The following THSD4 variants were observed in gnomAD, a reference collection of about 807,000 sequenced individuals.
The protein encoded by THSD4 is thrombospondin type 1 domain containing 4.
THSD4 carries 69 observed loss-of-function variants against 119.0 expected under a neutral mutation model. That is an observed-to-expected ratio of 0.58 (90% CI 0.48 to 0.71). The LOEUF (loss-of-function observed/expected upper bound fraction) is 0.71, where lower values mean the gene tolerates loss of function less well. THSD4 is among the 30% of genes least tolerant of loss of function. The pLI is 0.00. For synonymous variants in THSD4, 524 were observed against 540.4 expected (o/e 0.97, Z 0.42); for missense variants, 1,393 against 1,391.1 (o/e 1.00, Z -0.02).
chr15:71,258,474 C>T (rs910465914), intron 6 of THSD4, among the ~76,000 whole-genome samples: 2 of 152,164 alleles, frequency 1.3e-5, no homozygotes, highest in African/African-American at 4.8e-5. Context: ...CCACCGCACC[C>T]AGCCTGTAAA....
intron 6 of THSD4, among the ~76,000 whole-genome samples, chr15:71,403,179 T>C (rs2046560830): frequency 6.6e-6 from 1 of 152,140 alleles, no homozygotes; most frequent in Non-Finnish European, 1.5e-5. Context: ...ATATTCTATC[T>C]CCTGGATCCC....
chr15:71,299,979 AT>A (rs2044925715), intron 6 of THSD4, among the ~76,000 whole-genome samples: 39 of 28,124 alleles, frequency 1.4e-3, no homozygotes, highest in South Asian at 2.3e-3. Context: ...AAAAAAAAAT[AT>A]ATATATATAT....
intron 8 of THSD4, among the ~76,000 whole-genome samples, chr15:71,725,441 A>G (rs17737569): frequency 0.16 from 23,938 of 152,236 alleles, 2,207 homozygotes; most frequent in Middle Eastern, 0.22. Context: ...TGAAAGGAAT[A>G]TAGTGCCCAA....
chr15:71,316,683 C>T (rs947485732), intron 6 of THSD4, among the ~76,000 whole-genome samples: 3 of 152,228 alleles, frequency 2.0e-5, no homozygotes, highest in Non-Finnish European at 2.9e-5. Context: ...TCCTCAGTTC[C>T]AGCAGCTGAC....
At chr15:71,471,508 C>T (rs1033641017) in intron 7 of THSD4, among the ~76,000 whole-genome samples, 29 of 152,044 alleles carry the variant, frequency 1.9e-4, no homozygotes, top group African/African-American at 6.8e-4. Flanking sequence ...CCAGCCACCA[C>T]TTCCTGCTGT....
chr15:71,313,243 C>T (rs2045137220), intron 6 of THSD4, among the ~76,000 whole-genome samples: 1 of 152,030 alleles, frequency 6.6e-6, no homozygotes, highest in Non-Finnish European at 1.5e-5. Flanking sequence ...ATTTAGTTGG[C>T]CCCTGGTATC....
At chr15:71,252,622 A>G (rs2044272252) in intron 5 of THSD4, among the ~76,000 whole-genome samples, 1 of 152,202 alleles carries the variant, frequency 6.6e-6, no homozygotes, top group African/African-American at 2.4e-5. Flanking sequence ...CTACACAGTC[A>G]CGAAGGGCAC....
chr15:71,771,479 G>A lies in THSD4; in HGVS notation c.2914+271G>A, dbSNP rs116605416. Among the ~76,000 whole-genome samples, 302 of 152,256 alleles carry A rather than the reference G, an allele frequency of 2.0e-3. 1 individual carries two copies. Among genetic ancestry groups the A allele is most frequent in the African/African-American group, 6.3e-3 (263 of 41,522 alleles). On this transcript the variant is annotated intron_variant, in intron 17 of 17. Transcript: ENST00000261862. The stretch of plus-strand genomic sequence containing the variant: ...ATGCCTTCAAAGATTTGGCTCTATC[G>A]TCCTTAAGGTCAAAGTAGTAAAATG...
At chr15:71,452,794 T>C (rs1050539689) in intron 7 of THSD4, among the ~76,000 whole-genome samples, 1 of 152,100 alleles carries the variant, frequency 6.6e-6, no homozygotes, top group Non-Finnish European at 1.5e-5. Flanking sequence ...TTTGTATTTT[T>C]AGTAGAGACG....
intron 7 of THSD4, among the ~76,000 whole-genome samples, chr15:71,637,820 G>C (rs1452740576): frequency 1.3e-5 from 2 of 151,944 alleles, no homozygotes; most frequent in Non-Finnish European, 2.9e-5. Flanking sequence ...CTGCCTCCTG[G>C]GTTCAAGCAA....
chr15:71,563,202 C>G (rs967470255), intron 7 of THSD4, among the ~76,000 whole-genome samples: 4 of 152,088 alleles, frequency 2.6e-5, no homozygotes, highest in Non-Finnish European at 5.9e-5. Flanking sequence ...ACCTTTACAT[C>G]ACCACACTGG....
intron 7 of THSD4, among the ~76,000 whole-genome samples, chr15:71,514,015 A>G (rs2048319615): frequency 6.6e-6 from 1 of 152,160 alleles, no homozygotes; most frequent in African/African-American, 2.4e-5. Flanking sequence ...ATTTAGGGAA[A>G]TTGACTTACT....
At chr15:71,638,000 T>C (rs534315186) in intron 7 of THSD4, among the ~76,000 whole-genome samples, 232 of 152,320 alleles carry the variant, frequency 1.5e-3, no homozygotes, top group African/African-American at 5.1e-3. Flanking sequence ...GTGCTGGGAT[T>C]ACAGGTGTGA....
At chr15:71,385,595 A>T (rs62015555) in intron 6 of THSD4, among the ~76,000 whole-genome samples, 149,598 of 152,268 alleles carry the variant, frequency 0.98, 73,547 homozygotes, top group Middle Eastern at 1. Flanking sequence ...AAAGCGAATA[A>T]ATTTGAACCT....
chr15:71,305,637 T>C (rs2045013298), intron 6 of THSD4, among the ~76,000 whole-genome samples: 2 of 152,226 alleles, frequency 1.3e-5, no homozygotes, highest in Admixed American at 1.3e-4. Context: ...TATTGTAAAC[T>C]GCCCAGCACC....
intron 10 of THSD4, among the ~76,000 whole-genome samples, chr15:71,737,334 C>T (rs892438475): frequency 1.3e-5 from 2 of 152,190 alleles, no homozygotes; most frequent in Non-Finnish European, 2.9e-5. Flanking sequence ...TTTCCTGCAC[C>T]TTCAAAAGGA....
At chr15:71,309,639 C>G (rs1278433191) in intron 6 of THSD4, among the ~76,000 whole-genome samples, 1 of 152,142 alleles carries the variant, frequency 6.6e-6, no homozygotes, top group African/African-American at 2.4e-5. Flanking sequence ...ATCCCTGACC[C>G]ATTTTGAGTT....
intron 7 of THSD4, among the ~76,000 whole-genome samples, chr15:71,656,894 C>G (rs1323286729): frequency 6.6e-6 from 1 of 152,104 alleles, no homozygotes; most frequent in African/African-American, 2.4e-5. Flanking sequence ...AAATGTTAGA[C>G]ATGATAATGT....
chr15:71,442,356 G>A lies in THSD4; in HGVS notation c.1152+30533G>A, dbSNP rs2047108808. Among the ~76,000 whole-genome samples, 3 of 151,498 alleles carry A rather than the reference G, an allele frequency of 2.0e-5. No homozygotes were observed. In the South Asian group the frequency reaches 6.3e-4, roughly 32 times the overall value. ...GGCCAAGCCAGGCAGATCACCTGAGGTCAGGAGTTCAAGACCAGCCTGGCC... is the reference window on the plus strand; with the variant it reads ...GGCCAAGCCAGGCAGATCACCTGAGATCAGGAGTTCAAGACCAGCCTGGCC... On this transcript the variant is annotated intron_variant, in intron 7 of 17. Transcript: ENST00000261862.
Sources: gnomAD v4.1 joint callset for allele counts (sites outside exome capture counted in the v4.1 genomes callset) on GRCh38, gnomAD v4.1.1 for gene constraint, MANE v1.5 for transcripts, NCBI Gene and HGNC (gene_info 2026-07-23, HGNC 2026-07-21) for gene names.